The following REXO1 variants were observed in gnomAD, a reference collection of about 807,000 sequenced individuals.
REXO1 encodes RNA exonuclease 1 homolog.
A neutral mutation model predicts 102.6 loss-of-function variants in REXO1; 42 were observed. The ratio of observed to expected loss-of-function variants is 0.41; its 90% confidence interval spans 0.32 to 0.53. The LOEUF (loss-of-function observed/expected upper bound fraction) is 0.53. Among genes scored for constraint, REXO1 ranks in the 20% least tolerant of loss-of-function variants. REXO1 has a pLI of 0.27. For missense variants in REXO1, 1,819 were observed against 1,732.5 expected (o/e 1.05, Z -0.89); for synonymous variants, 908 against 779.1 (o/e 1.17, Z -2.76).
chr19:1,826,226 G>A lies in REXO1; in HGVS notation c.1912-283C>T, dbSNP rs75235753. On this transcript the variant is annotated intron_variant, in intron 2 of 15. Transcript: ENST00000170168. The surrounding 1 kb of genome is among the most constrained non-coding windows in gnomAD (Gnocchi z 4.3). ...CAGAATGAAAGCACACTGGGAAAGCGAGGCCACCTTGGGCCGAACCAGCTG... is the reference window on the plus strand; with the variant it reads ...CAGAATGAAAGCACACTGGGAAAGCAAGGCCACCTTGGGCCGAACCAGCTG... 2.0e-3 allele frequency among the ~76,000 whole-genome samples: 307 copies of A among 152,254 alleles called. No individual in the cohort carries two copies. The highest frequency in any genetic ancestry group is 7.0e-3 in the African/African-American group (290 of 41,544).
chr19:1,817,464 G>T, intron 11 of REXO1, 135 bp from the exon 12 acceptor site: 1 of 1,483,584 alleles, frequency 6.7e-7, no homozygotes, highest in Non-Finnish European at 8.9e-7. Flanking sequence ...GGACCCTGGT[G>T]AGCAGGTGGG....
rs2069555250 is a variant in REXO1 at position 1,821,907 on chromosome 19, G to A, written c.2231-225C>T. On this transcript the variant is annotated intron_variant, in intron 4 of 15. Transcript: ENST00000170168. ...CACAGGTCAGGCTGCGGAGGCCGCT[G>A]AGGACACGTCACCGGTGGGGTGGTC... is the stretch of plus-strand genomic sequence containing the variant. 1.0e-5 allele frequency: 6 copies of A among 579,774 alleles called. No individual in the cohort carries two copies. In the East Asian group the frequency reaches 1.5e-4, roughly 15 times the overall value. The allele number at this position is 579,774 out of a possible 1,614,324, so 35.9% of individuals were successfully genotyped here. A position where few individuals can be genotyped will look rare whatever the true frequency, so the allele number is the denominator to read the frequency against.
intron 1 of REXO1, among the ~76,000 whole-genome samples, chr19:1,840,643 CTGCAACTCT>C (rs1402948081): frequency 2.0e-5 from 3 of 152,116 alleles, no homozygotes; most frequent in Non-Finnish European, 4.4e-5. Context: ...CCCCACCCCC[CTGCAACTCT>C]GAGTGACACC....
rs113336967 is a variant in REXO1, at chr19:1,818,698, C to T, written c.2902+8G>A. ...GCCCACCTAGGCCGTCGCAGGCCAGCGACTCACAGTCCTTGGGCCTCTTCT... is the reference window on the plus strand; with the variant it reads ...GCCCACCTAGGCCGTCGCAGGCCAGTGACTCACAGTCCTTGGGCCTCTTCT... On this transcript the variant is annotated splice_region_variant and intron_variant, in intron 9 of 15. Coordinates refer to ENST00000170168, the MANE Select transcript of REXO1 (RefSeq NM_020695.4). 65 of 1,610,464 alleles carry T rather than the reference C, an allele frequency of 4.0e-5. No homozygotes were observed. In the African/African-American group the frequency reaches 4.5e-4, roughly 11 times the overall value.
chr19:1,831,669 C>G (rs531559002), intron 1 of REXO1, among the ~76,000 whole-genome samples: 123 of 151,448 alleles, frequency 8.1e-4, no homozygotes, highest in African/African-American at 2.4e-3. Context: ...AAGGAAAAAC[C>G]CCATCTCTAC....
intron 1 of REXO1, among the ~76,000 whole-genome samples, chr19:1,837,458 C>G (rs1162722982): frequency 6.6e-6 from 1 of 152,210 alleles, no homozygotes; most frequent in Non-Finnish European, 1.5e-5. Flanking sequence ...GCTCCTAGAC[C>G]ACACGGGGCA....
At chr19:1,837,722 C>A (rs1046242501) in intron 1 of REXO1, among the ~76,000 whole-genome samples, 1 of 152,224 alleles carries the variant, frequency 6.6e-6, no homozygotes, top group African/African-American at 2.4e-5. Flanking sequence ...GCGATCCGAG[C>A]CTCCCCTCTG....
Position 1,828,417 on chromosome 19 carries a change from G to A in REXO1, c.372C>T (p.Ala124=). Residue 124 remains alanine (A), a synonymous_variant, in exon 2 of 16, where the codon GCC becomes GCT. Transcript: ENST00000170168. ...TGGGGCCGCGGGGCGCCAGGGCGGG[G>A]GCCTCGGCGGAGCGGTGCTCACGGG... ...ETTREHRSAE[A]PALAPRGPNA... 2 of 1,608,052 alleles carry A rather than the reference G, an allele frequency of 1.2e-6. No individual in the cohort carries two copies. Among genetic ancestry groups the A allele is most frequent in the Non-Finnish European group, 1.7e-6 (2 of 1,177,760 alleles).
Position 1,816,144 on chromosome 19 carries a change from G to A in REXO1, c.3588C>T (p.His1196=). 2 of 1,551,526 alleles carry A rather than the reference G, an allele frequency of 1.3e-6. No homozygotes were observed. The highest frequency in any genetic ancestry group is 2.4e-5 in the South Asian group (2 of 84,268). Residue 1196 remains histidine (H), a synonymous_variant, in exon 16 of 16, where the codon CAC becomes CAT. Coordinates refer to ENST00000170168, the MANE Select transcript of REXO1 (RefSeq NM_020695.4). Reference sequence around the variant, plus strand: ...AGGCGCCGGCGTCCTCGCTGGAGCTGTGCCCATCCACTGCGGGGCAGATGC... The same window carrying A: ...AGGCGCCGGCGTCCTCGCTGGAGCTATGCCCATCCACTGCGGGGCAGATGC... ...RQIIQDNVDG[H]SSSEDAGACM...
intron 11 of REXO1, 91 bp from the exon 12 acceptor site, chr19:1,817,420 A>G (rs752859479): frequency 1.3e-6 from 2 of 1,549,892 alleles, no homozygotes; most frequent in South Asian, 2.4e-5. Context: ...CTTCGGGACC[A>G]TCCTATCCAT....
At chr19:1,832,548 C>T (rs1421805589) in intron 1 of REXO1, among the ~76,000 whole-genome samples, 1 of 152,168 alleles carries the variant, frequency 6.6e-6, no homozygotes, top group Non-Finnish European at 1.5e-5. Flanking sequence ...GAAATCACAG[C>T]AGTGTTGTGC....
At chr19:1,818,438 G>A (rs371943931) in intron 10 of REXO1, 44 bp downstream of exon 10, 41 of 1,460,418 alleles carry the variant, frequency 2.8e-5, no homozygotes, top group Middle Eastern at 2.4e-4. Flanking sequence ...CCCAGGTTCC[G>A]GGGGCCATGG....
chr19:1,827,116 A>G lies in REXO1; in HGVS notation c.1673T>C (p.Leu558Pro), dbSNP rs1361230768. Reference sequence around the variant, plus strand: ...CGGCCCCTGCGCCTCCGGGAAGCCCAGGCTGGAGTCTGAGTCGGAGTCTGA... The same window carrying G: ...CGGCCCCTGCGCCTCCGGGAAGCCCGGGCTGGAGTCTGAGTCGGAGTCTGA... ...SDSDSDSDSS[L>P]GFPEAQGPPK... is the part of the protein sequence containing the mutation. Residue 558 changes from leucine (L) to proline (P), a missense_variant, in exon 2 of 16, where the codon CTG becomes CCG. Transcript: ENST00000170168. The G allele has an allele frequency of 3.2e-6, 5 of 1,542,194 alleles. No individual in the cohort carries two copies.
chr19:1,816,909 G>A (rs1443819971), intron 12 of REXO1, 96 bp from the exon 13 acceptor site: 1 of 943,388 alleles, frequency 1.1e-6, no homozygotes, highest in East Asian at 2.5e-5. Flanking sequence ...CCTCCAGGCA[G>A]AGGCAGTGAC....
chr19:1,839,093 T>A (rs1314625890), intron 1 of REXO1, among the ~76,000 whole-genome samples: 1 of 151,876 alleles, frequency 6.6e-6, no homozygotes, highest in Non-Finnish European at 1.5e-5. Flanking sequence ...CTGTCTCTAC[T>A]AAAATACAAA....
Position 1,826,037 on chromosome 19 carries a change from GA to G in REXO1, c.1912-95del, listed in dbSNP as rs1362929662. 9.3e-6 allele frequency: 8 copies of G among 856,952 alleles called. No homozygotes were observed. In the African/African-American group the frequency reaches 1.2e-4, roughly 13 times the overall value. 53.1% of individuals were successfully genotyped at this position (856,952 alleles called of 1,614,324 possible). Reference sequence around the variant, plus strand: ...AACTGCCCCCGGCAAGTGGGGAATGGAACAGTCCAGCCCCCAGGCACAGCAG... The same window carrying G: ...AACTGCCCCCGGCAAGTGGGGAATGGACAGTCCAGCCCCCAGGCACAGCAG... On this transcript the variant is annotated intron_variant, in intron 2 of 15. Transcript: ENST00000170168. This position sits in a 1 kb window ranked among gnomAD's most constrained non-coding sequence, Gnocchi z 4.3.
At chr19:1,832,526 C>T (rs1020911559) in intron 1 of REXO1, among the ~76,000 whole-genome samples, 3 of 152,184 alleles carry the variant, frequency 2.0e-5, no homozygotes, top group Non-Finnish European at 2.9e-5. Context: ...GGGCAGCTGC[C>T]GCCTTTCCCT....
intron 1 of REXO1, among the ~76,000 whole-genome samples, chr19:1,844,585 G>A (rs1296044381): frequency 3.9e-5 from 6 of 152,300 alleles, no homozygotes; most frequent in East Asian, 3.9e-4. Context: ...CTCCCTGAGC[G>A]CCTCTACCCC....
At chr19:1,836,921 A>T (rs1482473989) in intron 1 of REXO1, among the ~76,000 whole-genome samples, 1 of 152,100 alleles carries the variant, frequency 6.6e-6, no homozygotes, top group Non-Finnish European at 1.5e-5. Flanking sequence ...CCCAGATGGA[A>T]ACAGACAGTC....
Sources: gnomAD v4.1 joint callset for allele counts (sites outside exome capture counted in the v4.1 genomes callset) on GRCh38, gnomAD v4.1.1 for gene constraint, Gnocchi (gnomAD v3.1) non-coding constraint, MANE v1.5 for transcripts, NCBI Gene and HGNC (gene_info 2026-07-23, HGNC 2026-07-21) for gene names.